MYZAP: variants seen among roughly 807,000 people sequenced by gnomAD.
MYZAP encodes GRINL1A complex locus upstream.
In MYZAP, 66 loss-of-function variants were observed where a neutral mutation model predicts 69.4. The observed-to-expected ratio is 0.95, with a 90% CI of 0.78 to 1.17. The LOEUF is 1.17. Among genes scored for constraint, MYZAP ranks in the 50% most tolerant of loss-of-function variants. The pLI is 0.00. For missense variants in MYZAP, 611 were observed against 556.2 expected (o/e 1.10, Z -0.99); for synonymous variants, 256 against 205.9 (o/e 1.24, Z -2.09).
At chr15:57,642,815 C>T (rs1256826572) in intron 10 of MYZAP, among the ~76,000 whole-genome samples, 10 of 152,210 alleles carry the variant, frequency 6.6e-5, no homozygotes, top group Admixed American at 4.6e-4. Context: ...GTTTTGTCAT[C>T]CTTAGCTCAT....
At chr15:57,596,999 A>C (rs922977428) in intron 1 of MYZAP, among the ~76,000 whole-genome samples, 11 of 152,222 alleles carry the variant, frequency 7.2e-5, no homozygotes, top group Non-Finnish European at 1.5e-4. Flanking sequence ...AGTTAAAAAC[A>C]GAAATCTCAC....
chr15:57,601,717 G>A (rs2034427051), intron 1 of MYZAP, among the ~76,000 whole-genome samples: 2 of 152,106 alleles, frequency 1.3e-5, no homozygotes, highest in Admixed American at 1.3e-4. Flanking sequence ...AGGAGGATGA[G>A]GATGGAGAGG....
At chr15:57,592,886 G>A (rs893759493) in intron 1 of MYZAP, among the ~76,000 whole-genome samples, 4 of 152,074 alleles carry the variant, frequency 2.6e-5, no homozygotes, top group Admixed American at 1.3e-4. Flanking sequence ...CATTTATCAT[G>A]ATGTTCAATA....
At chr15:57,601,655 G>A (rs1275862033) in intron 1 of MYZAP, among the ~76,000 whole-genome samples, 1 of 152,084 alleles carries the variant, frequency 6.6e-6, no homozygotes. Flanking sequence ...GATAGCCCTG[G>A]GGGTCAGGCC....
At chr15:57,661,141 C>G (rs750709555) in intron 10 of MYZAP, among the ~76,000 whole-genome samples, 1 of 152,152 alleles carries the variant, frequency 6.6e-6, no homozygotes, top group Admixed American at 6.5e-5. Context: ...ACAGCAAAAT[C>G]AGTGTGGAAA....
At chr15:57,601,541 A>G (rs1389235336) in intron 1 of MYZAP, among the ~76,000 whole-genome samples, 3 of 152,072 alleles carry the variant, frequency 2.0e-5, no homozygotes, top group African/African-American at 7.2e-5. Context: ...GTTGCCCACC[A>G]GGAAAGAGAG....
intron 4 of MYZAP, among the ~76,000 whole-genome samples, chr15:57,623,695 T>C (rs2035954847): frequency 6.7e-6 from 1 of 149,094 alleles, no homozygotes; most frequent in Non-Finnish European, 1.5e-5. Context: ...ACTGTGCCAC[T>C]GCACTCCAGT....
rs891941184 is a variant in MYZAP at position 57,684,694 on chromosome 15, G to A, written c.*196G>A. 5.6e-5 allele frequency: 27 copies of A among 484,516 alleles called. No homozygotes were observed. The highest frequency in any genetic ancestry group is 4.6e-4 in the Admixed American group (12 of 26,214). The allele number at this position is 484,516 out of a possible 1,614,324, so 30.0% of individuals were successfully genotyped here. A position where few individuals can be genotyped will look rare whatever the true frequency, so the allele number is the denominator to read the frequency against. On this transcript the variant is annotated 3_prime_UTR_variant, in exon 13 of 13. Coordinates refer to ENST00000267853, the MANE Select transcript of MYZAP (RefSeq NM_001018100.5). Reference sequence around the variant, plus strand: ...GAGCAGGTAAGAGAGGGATATACAAGGTCACATTTCAGACACCCACTCGGC... The same window carrying A: ...GAGCAGGTAAGAGAGGGATATACAAAGTCACATTTCAGACACCCACTCGGC...
At chr15:57,621,334 C>T (rs1176106630) in intron 3 of MYZAP, among the ~76,000 whole-genome samples, 6 of 151,526 alleles carry the variant, frequency 4.0e-5, no homozygotes, top group Admixed American at 3.3e-4. Flanking sequence ...CCTCAGCCTC[C>T]CGAGTAGCTG....
chr15:57,654,002 CAAAAAAAAAAAAAAAAA>C (rs398043344), intron 10 of MYZAP, among the ~76,000 whole-genome samples: 1 of 36,084 alleles, frequency 2.8e-5, no homozygotes, highest in Non-Finnish European at 4.3e-5. Flanking sequence ...CAAACGCTGT[CAAAAAAAAAAAAAAAAA>C]AAAAAAAAAA....
At chr15:57,630,600 C>A (rs1431702716) in intron 6 of MYZAP, among the ~76,000 whole-genome samples, 1 of 152,112 alleles carries the variant, frequency 6.6e-6, no homozygotes, top group African/African-American at 2.4e-5. Context: ...TCCCATTTGG[C>A]CCCCTAGGCT....
chr15:57,641,677 A>T (rs1006382791), intron 10 of MYZAP, among the ~76,000 whole-genome samples: 2 of 152,316 alleles, frequency 1.3e-5, no homozygotes, highest in Admixed American at 1.3e-4. Context: ...AGAGAGAGAC[A>T]CTTTTTATTC....
In MYZAP at chr15:57,684,710, C is replaced by A; in HGVS notation, c.*212C>A. ...GATATACAAGGTCACATTTCAGACA[C>A]CCACTCGGCATACCCTGCCGTACTG... On this transcript the variant is annotated 3_prime_UTR_variant, in exon 13 of 13. Transcript: ENST00000267853. 1 of 453,872 alleles carries A rather than the reference C, an allele frequency of 2.2e-6. No individual in the cohort carries two copies. The highest frequency in any genetic ancestry group is 3.9e-6 in the Non-Finnish European group (1 of 257,624). 28.1% of individuals were successfully genotyped at this position (453,872 alleles called of 1,614,324 possible).
chr15:57,637,708 T>C lies in MYZAP; in HGVS notation c.947T>C (p.Leu316Pro). 1.2e-6 allele frequency: 2 copies of C among 1,613,004 alleles called. No individual in the cohort carries two copies. Among genetic ancestry groups the C allele is most frequent in the East Asian group, 2.2e-5 (1 of 44,832 alleles). ...TGTTTGTTTTAGGAACGTCATCAAC[T>C]GCAACTTCAACTCCTAGAACATGAA... is the stretch of plus-strand genomic sequence containing the variant. ...IERMEKERHQ[L>P]QLQLLEHETE... Residue 316 changes from leucine (L) to proline (P), a missense_variant, in exon 9 of 13, where the codon CTG becomes CCG. Leu to Pro is a moderately conservative substitution (Grantham distance 98, BLOSUM62 -3). Transcript: ENST00000267853.
intron 3 of MYZAP, among the ~76,000 whole-genome samples, chr15:57,618,835 C>G (rs1165380927): frequency 6.6e-6 from 1 of 152,186 alleles, no homozygotes; most frequent in African/African-American, 2.4e-5. Context: ...CCTAGATTGA[C>G]TGATTCCCCT....
chr15:57,654,176 T>C (rs192629577), intron 10 of MYZAP, among the ~76,000 whole-genome samples: 109 of 152,246 alleles, frequency 7.2e-4, no homozygotes, highest in Admixed American at 2.4e-3. Context: ...CACCTCAGCC[T>C]AATGGCCTCC....
rs1381660386 is a variant in MYZAP at position 57,591,975 on chromosome 15, A to C, written c.-60A>C. The C allele has an allele frequency of 1.3e-5, 18 of 1,337,540 alleles. No individual in the cohort carries two copies. Among genetic ancestry groups the C allele is most frequent in the Middle Eastern group, 2.8e-4 (1 of 3,568 alleles). The allele number at this position is 1,337,540 out of a possible 1,614,324, so 82.9% of individuals were successfully genotyped here. ...CGCCCCCGCGCAGGGCGGGCCCCGC[A>C]CGCTTATTCTGCCCGGGAGGAACGC... On this transcript the variant is annotated 5_prime_UTR_variant, in exon 1 of 13. Coordinates refer to ENST00000267853, the MANE Select transcript of MYZAP (RefSeq NM_001018100.5).
In MYZAP at chr15:57,674,992, G is replaced by T; in HGVS notation, c.1228G>T (p.Asp410Tyr). ...GENNELQSRL[D>Y]YLTETQAKTE... ...GAATAATGAACTACAAAGCAGGTTG[G>T]ACTATTTAACAGAAACCCAGGCCAA... The change falls in exon 12 of 13, where the codon GAC becomes TAC. Residue 410 changes from aspartate to tyrosine, a missense_variant. Physicochemically the swap from Asp to Tyr is radical, Grantham distance 160. Coordinates refer to ENST00000267853, the MANE Select transcript of MYZAP (RefSeq NM_001018100.5). 1 of 1,613,456 alleles carries T rather than the reference G, an allele frequency of 6.2e-7. No homozygotes were observed. Among genetic ancestry groups the T allele is most frequent in the Non-Finnish European group, 8.5e-7 (1 of 1,179,564 alleles).
At chr15:57,632,228 C>T (rs184286871) in intron 6 of MYZAP, among the ~76,000 whole-genome samples, 3 of 152,296 alleles carry the variant, frequency 2.0e-5, no homozygotes, top group Admixed American at 6.5e-5. Context: ...CCCCAAAATT[C>T]GTGTGAAATG....
Sources: allele counts gnomAD v4.1 joint callset (sites outside exome capture counted in the v4.1 genomes callset), GRCh38; gene constraint gnomAD v4.1.1; transcripts MANE v1.5; gene names NCBI Gene and HGNC (gene_info 2026-07-23, HGNC 2026-07-21).